The following SMAD6 variants were observed in gnomAD, a reference collection of about 807,000 sequenced individuals.
The protein encoded by SMAD6 is SMAD family member 6, also known as MAD homolog 6.
A neutral mutation model predicts 39.4 loss-of-function variants in SMAD6; 103 were observed. That is an observed-to-expected ratio of 2.62 (90% CI 2.23 to 3.08). The LOEUF (loss-of-function observed/expected upper bound fraction) is 3.08, where lower values mean the gene tolerates loss of function less well. SMAD6 is among the 30% of genes most tolerant of loss of function. SMAD6 has a pLI of 0.00. For missense variants in SMAD6, 1,104 were observed against 742.9 expected, an observed-to-expected ratio of 1.49 and a Z score of -5.65; for synonymous variants, 445 against 353.3, an observed-to-expected ratio of 1.26 and a Z score of -2.91.
chr15:66,728,399 T>TG, intron 3 of SMAD6, among the ~76,000 whole-genome samples: 1 of 142,300 alleles, frequency 7.0e-6, no homozygotes, highest in Admixed American at 8.0e-5. Flanking sequence ...TTCATCCTTT[T>TG]GTTTTTTTTT....
At chr15:66,773,643 G>A (rs1291353553) in intron 3 of SMAD6, among the ~76,000 whole-genome samples, 5 of 152,072 alleles carry the variant, frequency 3.3e-5, no homozygotes, top group Non-Finnish European at 7.4e-5. Flanking sequence ...AAAAGCTGCC[G>A]GTTGGACTGG....
At chr15:66,769,460 C>G (rs1169959116) in intron 3 of SMAD6, among the ~76,000 whole-genome samples, 1 of 152,134 alleles carries the variant, frequency 6.6e-6, no homozygotes. Flanking sequence ...AGGAAGCATT[C>G]CAGATCAAGA....
At chr15:66,745,612 T>G (rs1016046436) in intron 3 of SMAD6, among the ~76,000 whole-genome samples, 1 of 152,208 alleles carries the variant, frequency 6.6e-6, no homozygotes, top group East Asian at 1.9e-4. Context: ...TGAATCTATT[T>G]TGTTGATGAG....
intron 3 of SMAD6, among the ~76,000 whole-genome samples, chr15:66,742,589 C>T (rs1197435483): frequency 6.6e-6 from 1 of 152,096 alleles, no homozygotes; most frequent in East Asian, 1.9e-4. Context: ...GAGGTCTAGC[C>T]AGCCCCTCTG....
At chr15:66,779,059 A>G (rs2140678970) in intron 3 of SMAD6, among the ~76,000 whole-genome samples, 1 of 152,238 alleles carries the variant, frequency 6.6e-6, no homozygotes, top group East Asian at 1.9e-4. Context: ...GGGGACTCCC[A>G]GACCTGTGCC....
chr15:66,703,141 CTCCGCGG>C lies in SMAD6; in HGVS notation c.-117_-111del, dbSNP rs1893011822. On this transcript the variant is annotated 5_prime_UTR_variant, in exon 1 of 4. It removes the in-frame stop codon of an upstream open reading frame in the 5' UTR. Transcript: ENST00000288840. Reference sequence around the variant, plus strand: ...CAGGCTGTGCGCGGTCTGCACGGCGCTCCGCGGCGGAGCTTCATGTGGGGCTGCGACC... The same window carrying C: ...CAGGCTGTGCGCGGTCTGCACGGCGCCGGAGCTTCATGTGGGGCTGCGACC... The C allele has an allele frequency of 4.2e-6, 3 of 720,906 alleles. No homozygotes were observed. 44.7% of individuals were successfully genotyped at this position (720,906 alleles called of 1,614,324 possible).
chr15:66,775,503 G>A (rs989565347), intron 3 of SMAD6, among the ~76,000 whole-genome samples: 4 of 152,166 alleles, frequency 2.6e-5, no homozygotes, highest in Non-Finnish European at 4.4e-5. Context: ...GTTCGGATGG[G>A]AAGACTGAGG....
At position 66,781,908 on chromosome 15, in the gene SMAD6, T is replaced by A; in HGVS notation, c.*373T>A. 2 of 398,708 alleles carry A rather than the reference T, an allele frequency of 5.0e-6. No homozygotes were observed. The highest frequency in any genetic ancestry group is 8.8e-6 in the Non-Finnish European group (2 of 226,020). The allele number at this position is 398,708 out of a possible 1,614,324, so 24.7% of individuals were successfully genotyped here. On this transcript the variant is annotated 3_prime_UTR_variant, in exon 4 of 4. Transcript: ENST00000288840. ...GCAGAGCTAGGTGGAAAAGCCTGGG[T>A]TTGGTGTATGGTTTTTGAGATATTA...
In SMAD6 at chr15:66,744,374, G is replaced by A. The variant is rs1020290091; in HGVS notation, c.952+27876G>A. ...AGAGACCAGGTCTGTGTCCTCAGGC[G>A]GCTTCCATGTGCCTCAAGGGGGAAG... On this transcript the variant is annotated intron_variant, in intron 3 of 3. Coordinates refer to ENST00000288840, the MANE Select transcript of SMAD6 (RefSeq NM_005585.5). Among the ~76,000 whole-genome samples, 7 of 152,242 alleles carry A rather than the reference G, an allele frequency of 4.6e-5. No individual in the cohort carries two copies. The East Asian group carries it at 1.2e-3, about 25-fold the overall frequency.
rs551677330 is a variant in SMAD6, at chr15:66,734,849, G to A, written c.952+18351G>A. ...TGCACATTAAAACTATGTATGTTAA[G>A]TTGGTAAGTTTTATGTTATGTGTAT... On this transcript the variant is annotated intron_variant, in intron 3 of 3. Transcript: ENST00000288840. 2.0e-5 allele frequency among the ~76,000 whole-genome samples: 3 copies of A among 152,330 alleles called. No homozygotes were observed. In the South Asian group the frequency reaches 6.2e-4, roughly 32 times the overall value.
intron 3 of SMAD6, among the ~76,000 whole-genome samples, chr15:66,749,875 T>C (rs1893971259): frequency 6.6e-6 from 1 of 152,138 alleles, no homozygotes; most frequent in Admixed American, 6.5e-5. Context: ...TGGACAGTTG[T>C]TCAGAGTTGC....
intron 3 of SMAD6, among the ~76,000 whole-genome samples, chr15:66,734,244 C>A (rs1361442785): frequency 2.6e-5 from 4 of 152,208 alleles, no homozygotes; most frequent in Non-Finnish European, 5.9e-5. Context: ...TTTGGCTGAC[C>A]TCACCCCGCG....
At chr15:66,778,763 C>G (rs930369682) in intron 3 of SMAD6, among the ~76,000 whole-genome samples, 3 of 152,158 alleles carry the variant, frequency 2.0e-5, no homozygotes, top group Admixed American at 2.0e-4. Context: ...AGCACCAAGG[C>G]GGCCCCAGCA....
chr15:66,704,067 G>C lies in SMAD6; in HGVS notation c.809G>C (p.Cys270Ser). The change falls in exon 1 of 4, where the codon TGC (cysteine) becomes TCC (serine). Residue 270 changes from cysteine to serine, a missense_variant. Physicochemically the swap from Cys to Ser is moderately radical, Grantham distance 112. Coordinates refer to ENST00000288840, the MANE Select transcript of SMAD6 (RefSeq NM_005585.5). ...CCNPYHFSRL[C>S]GPESPPPPYS... ...AACCCCTACCACTTCAGCCGGCTCT[G>C]CGGGCCCGGTGAGCGCGCTGCGCCG... 7 of 1,492,826 alleles carry C rather than the reference G, an allele frequency of 4.7e-6. No individual in the cohort carries two copies. Among genetic ancestry groups the C allele is most frequent in the Non-Finnish European group, 6.2e-6 (7 of 1,129,306 alleles). 92.5% of individuals were successfully genotyped at this position (1,492,826 alleles called of 1,614,324 possible).
intron 3 of SMAD6, among the ~76,000 whole-genome samples, chr15:66,727,401 C>T (rs116354544): frequency 0.017 from 2,537 of 152,300 alleles, 72 homozygotes; most frequent in African/African-American, 0.057. Flanking sequence ...CTGTGCCCAG[C>T]CATAAATGCT....
At position 66,781,319 on chromosome 15, in the gene SMAD6, G is replaced by C; in HGVS notation, c.1275G>C (p.Leu425=). 3 of 1,599,928 alleles carry C rather than the reference G, an allele frequency of 1.9e-6. No individual in the cohort carries two copies. Among genetic ancestry groups the C allele is most frequent in the Admixed American group, 1.7e-5 (1 of 59,740 alleles). ...TGGACGCGCCCGGCGGCCGCGCCCTGGTCGTGCGCAAGGTGCCCCCCGGCT... is the reference window on the plus strand; with the variant it reads ...TGGACGCGCCCGGCGGCCGCGCCCTCGTCGTGCGCAAGGTGCCCCCCGGCT... ...PTLDAPGGRA[L]VVRKVPPGYS... The change falls in exon 4 of 4, where the codon CTG becomes CTC. Residue 425 remains leucine, a synonymous_variant. Transcript: ENST00000288840.
At chr15:66,745,486 TA>T (rs1194730014) in intron 3 of SMAD6, among the ~76,000 whole-genome samples, 8 of 152,076 alleles carry the variant, frequency 5.3e-5, no homozygotes, top group Admixed American at 5.2e-4. Context: ...CTCCTTTCCC[TA>T]AACTCCCCTT....
chr15:66,760,239 G>A (rs1257689955), intron 3 of SMAD6, among the ~76,000 whole-genome samples: 3 of 152,010 alleles, frequency 2.0e-5, no homozygotes, highest in Non-Finnish European at 4.4e-5. Flanking sequence ...CTTTCTTCCT[G>A]TTGGACTTGG....
intron 3 of SMAD6, among the ~76,000 whole-genome samples, chr15:66,725,079 C>G (rs1317965577): frequency 6.6e-6 from 1 of 152,240 alleles, no homozygotes; most frequent in Admixed American, 6.5e-5. Context: ...GAACTGCGCT[C>G]GAAAGTTTCC....
Sources: gnomAD v4.1 joint callset for allele counts (sites outside exome capture counted in the v4.1 genomes callset) on GRCh38, gnomAD v4.1.1 for gene constraint, MANE v1.5 for transcripts, NCBI Gene and HGNC (gene_info 2026-07-23, HGNC 2026-07-21) for gene names.